TUT4: variants seen among roughly 807,000 people sequenced by gnomAD.
TUT4 encodes terminal uridylyltransferase 4.
Under a neutral mutation model 192.2 loss-of-function variants are expected in TUT4, and 36 were observed. The ratio of observed to expected loss-of-function variants is 0.19; its 90% confidence interval spans 0.14 to 0.25. The LOEUF is 0.25. TUT4 is among the 10% of genes least tolerant of loss of function. TUT4 has a pLI of 1.00. For missense variants in TUT4, 1,493 were observed against 1,957.2 expected (o/e 0.76, Z 4.47); for synonymous variants, 618 against 666.0 (o/e 0.93, Z 1.11).
chr1:52,492,142 A>C (rs1485926518), intron 7 of TUT4, among the ~76,000 whole-genome samples: 1 of 152,172 alleles, frequency 6.6e-6, no homozygotes, highest in Non-Finnish European at 1.5e-5. Flanking sequence ...TAAACTTAAA[A>C]GTTTTTCGGC....
intron 1 of TUT4, among the ~76,000 whole-genome samples, chr1:52,542,837 C>T (rs547235787): frequency 1.3e-4 from 20 of 152,152 alleles, no homozygotes; most frequent in African/African-American, 4.3e-4. Context: ...TCTCGGCTCA[C>T]CGCAACCTCC....
intron 27 of TUT4, 56 bp downstream of exon 27, chr1:52,435,309 T>C (rs1221891888): frequency 9.2e-6 from 13 of 1,405,408 alleles, no homozygotes; most frequent in Non-Finnish European, 9.0e-6. Flanking sequence ...CTATCACCCA[T>C]TAAAGATACT....
chr1:52,494,848 AT>A (rs1200629575), intron 6 of TUT4, among the ~76,000 whole-genome samples: 1 of 152,156 alleles, frequency 6.6e-6, no homozygotes, highest in Non-Finnish European at 1.5e-5. Flanking sequence ...TAAAAGATTG[AT>A]ATGTCAATAA....
chr1:52,547,302 C>T (rs1431472944), intron 1 of TUT4, among the ~76,000 whole-genome samples: 1 of 151,580 alleles, frequency 6.6e-6, no homozygotes, highest in African/African-American at 2.4e-5. Flanking sequence ...AGATGCTCAA[C>T]ATCTTATTAA....
intron 1 of TUT4, among the ~76,000 whole-genome samples, chr1:52,545,966 CAAAAAAAAAAAA>C (rs71041901): frequency 1.4e-5 from 1 of 72,406 alleles, no homozygotes; most frequent in Non-Finnish European, 3.1e-5. Context: ...TACAAAAATA[CAAAAAAAAAAAA>C]AAAAAAAAAA....
At chr1:52,429,120 G>C (rs1463200888) in intron 28 of TUT4, among the ~76,000 whole-genome samples, 1 of 120,630 alleles carries the variant, frequency 8.3e-6, no homozygotes, top group African/African-American at 3.3e-5. Flanking sequence ...GTCTCGCTCT[G>C]TCGCCCAGGC....
Position 52,446,661 on chromosome 1 carries a change from C to G in TUT4, c.3442G>C (p.Asp1148His). 6.2e-7 allele frequency: 1 copy of G among 1,600,440 alleles called. No homozygotes were observed. Among genetic ancestry groups the G allele is most frequent in the Non-Finnish European group, 8.5e-7 (1 of 1,175,700 alleles). The stretch of plus-strand genomic sequence containing the variant: ...ATTCTCTGTGGAATCTGTTTTCCAT[C>G]AAAGATCTGCATAAAAAAATTAATT... Reference protein sequence around the residue: ...PVIPVLQEIFDGKQIPQRMVD... With the variant: ...PVIPVLQEIFHGKQIPQRMVD... The change falls in exon 21 of 30, where the codon GAT (aspartate) becomes CAT (histidine). Residue 1148 changes from aspartate (D) to histidine (H), a missense_variant. Physicochemically the swap from Asp to His is moderately conservative, Grantham distance 81 (BLOSUM62 -1). This residue lies in a region of TUT4 where 141 missense variants were observed against 382.7 expected (regional missense o/e 0.37). Transcript: ENST00000257177.
chr1:52,503,359 A>G (rs1412732772), intron 4 of TUT4, among the ~76,000 whole-genome samples: 1 of 152,106 alleles, frequency 6.6e-6, no homozygotes, highest in African/African-American at 2.4e-5. Context: ...TGTGATAAGA[A>G]CTTTACTCTG....
intron 3 of TUT4, among the ~76,000 whole-genome samples, chr1:52,511,266 T>C (rs1443359096): frequency 6.6e-6 from 1 of 152,214 alleles, no homozygotes; most frequent in Non-Finnish European, 1.5e-5. Context: ...TCTAGTTATT[T>C]CAATTCTCTA....
At chr1:52,444,897 G>A (rs1394769471) in intron 24 of TUT4, among the ~76,000 whole-genome samples, 9 of 139,472 alleles carry the variant, frequency 6.5e-5, no homozygotes, top group Admixed American at 6.3e-4. Flanking sequence ...ATATATGTGT[G>A]TATATATATA....
intron 5 of TUT4, 145 bp downstream of exon 5, chr1:52,496,861 C>T: frequency 1.3e-6 from 1 of 775,034 alleles, no homozygotes; most frequent in Non-Finnish European, 1.9e-6. Context: ...AAATATTTCC[C>T]TCAAAAATTC....
chr1:52,542,838 C>T (rs923315120), intron 1 of TUT4, among the ~76,000 whole-genome samples: 18 of 151,902 alleles, frequency 1.2e-4, no homozygotes, highest in East Asian at 5.8e-4. Context: ...CTCGGCTCAC[C>T]GCAACCTCCG....
At chr1:52,476,612 T>G (rs1667143617) in intron 12 of TUT4, among the ~76,000 whole-genome samples, 1 of 152,164 alleles carries the variant, frequency 6.6e-6, no homozygotes, top group African/African-American at 2.4e-5. Context: ...AAAAAGATTT[T>G]TCTACTTTCT....
At chr1:52,451,670 C>A (rs1163475497) in intron 20 of TUT4, among the ~76,000 whole-genome samples, 1 of 152,042 alleles carries the variant, frequency 6.6e-6, no homozygotes, top group African/African-American at 2.4e-5. Context: ...TGGTGAAACG[C>A]TGTCTCTACT....
intron 16 of TUT4, chr1:52,463,502 T>C (rs532158898): frequency 7.8e-4 from 824 of 1,062,226 alleles, no homozygotes; most frequent in Non-Finnish European, 9.0e-4. Flanking sequence ...AGAATGATTT[T>C]AGAAAAGCAC....
At chr1:52,481,366 A>T in intron 11 of TUT4, 57 bp downstream of exon 11, 1 of 1,559,420 alleles carries the variant, frequency 6.4e-7, no homozygotes, top group Non-Finnish European at 8.8e-7. Flanking sequence ...CTTCAATCGA[A>T]GAATATCACA....
At chr1:52,515,701 A>G (rs983638460) in intron 3 of TUT4, 190 bp downstream of exon 3, 3 of 677,154 alleles carry the variant, frequency 4.4e-6, no homozygotes, top group Non-Finnish European at 7.6e-6. Context: ...ACAGATAATA[A>G]GTAACTGCTG....
intron 15 of TUT4, among the ~76,000 whole-genome samples, chr1:52,466,682 A>ATATATATTTTTTTTTT (rs372853314): frequency 2.4e-5 from 3 of 123,840 alleles, no homozygotes; most frequent in African/African-American, 9.7e-5. Flanking sequence ...ATATATATAT[A>ATATATATTTTTTTTTT]TTTTTGAGAC....
At chr1:52,476,657 A>G (rs146554701) in intron 12 of TUT4, among the ~76,000 whole-genome samples, 2,904 of 152,008 alleles carry the variant, frequency 0.019, 87 homozygotes, top group African/African-American at 0.065. Context: ...AGAGGGGGGG[A>G]AAAGAAAGAA....
Sources: gnomAD v4.1 joint callset for allele counts (sites outside exome capture counted in the v4.1 genomes callset) on GRCh38, gnomAD v4.1.1 for gene constraint, gnomAD v4.1.1 regional missense constraint, MANE v1.5 for transcripts, NCBI Gene and HGNC (gene_info 2026-07-23, HGNC 2026-07-21) for gene names.